The following ZFHX3 variants were observed in gnomAD, a reference collection of about 807,000 sequenced individuals.
The protein encoded by ZFHX3 is zinc finger homeobox protein 3.
ZFHX3 carries 42 observed loss-of-function variants against 279.1 expected under a neutral mutation model. That is an observed-to-expected ratio of 0.15 (90% CI 0.12 to 0.19). The LOEUF (loss-of-function observed/expected upper bound fraction) is 0.19, where lower values mean the gene tolerates loss of function less well. ZFHX3 is among the 10% of genes least tolerant of loss of function. The pLI is 1.00. For synonymous variants in ZFHX3, 2,293 were observed against 1,957.8 expected (o/e 1.17, Z -4.52); for missense variants, 4,981 against 4,754.0 (o/e 1.05, Z -1.40).
chr16:73,623,161 C>T (rs1280848639), intron 2 of ZFHX3, among the ~76,000 whole-genome samples: 1 of 151,970 alleles, frequency 6.6e-6, no homozygotes, highest in East Asian at 1.9e-4. Flanking sequence ...CTCAGCCTCT[C>T]GAGTTGCTGG....
intron 4 of ZFHX3, among the ~76,000 whole-genome samples, chr16:72,859,087 C>T (rs1000681425): frequency 2.0e-5 from 3 of 152,222 alleles, no homozygotes; most frequent in African/African-American, 4.8e-5. Context: ...GCCCTCCCCA[C>T]GTTGATTGGA....
chr16:72,851,645 C>G lies in ZFHX3; in HGVS notation c.3449-21786G>C, dbSNP rs532733918. 4.6e-5 allele frequency among the ~76,000 whole-genome samples: 7 copies of G among 152,136 alleles called. No individual in the cohort carries two copies. In the South Asian group the frequency reaches 1.5e-3, roughly 32 times the overall value. ...GCTCTGCTCACTGCAACCTCCGCCT[C>G]CCGGGTTCAAGAGATTCTCCTGCCT... On this transcript the variant is annotated intron_variant, in intron 4 of 9. Coordinates refer to ENST00000268489, the MANE Select transcript of ZFHX3 (RefSeq NM_006885.4).
chr16:73,850,674 C>T (rs980942703), intron 1 of ZFHX3, among the ~76,000 whole-genome samples: 1 of 149,270 alleles, frequency 6.7e-6, no homozygotes, highest in African/African-American at 2.4e-5. Flanking sequence ...TTCTGTGGAC[C>T]CCACCCCAAC....
chr16:73,433,897 T>C (rs534616484), intron 3 of ZFHX3, among the ~76,000 whole-genome samples: 3 of 152,156 alleles, frequency 2.0e-5, no homozygotes, highest in Non-Finnish European at 2.9e-5. Context: ...GAGGCTGCAC[T>C]GGGGTTATGT....
At chr16:73,807,317 C>T (rs906456325) in intron 1 of ZFHX3, among the ~76,000 whole-genome samples, 2 of 152,186 alleles carry the variant, frequency 1.3e-5, no homozygotes, top group African/African-American at 4.8e-5. Flanking sequence ...CCCTTCTTCC[C>T]TCCTTTCTTC....
chr16:73,278,585 G>A (rs2014369299), intron 4 of ZFHX3, among the ~76,000 whole-genome samples: 1 of 152,342 alleles, frequency 6.6e-6, no homozygotes, highest in South Asian at 2.1e-4. Context: ...GCGAGTAGGA[G>A]GTGCTGGCTG....
At chr16:73,134,189 C>A (rs1966746237) in intron 6 of ZFHX3, among the ~76,000 whole-genome samples, 1 of 152,138 alleles carries the variant, frequency 6.6e-6, no homozygotes, top group Non-Finnish European at 1.5e-5. Flanking sequence ...CCCAGCAAGT[C>A]TGACTTCAGG....
chr16:72,787,029 T>TAC lies in ZFHX3; in HGVS notation c.*134_*135insGT. 5 of 1,058,460 alleles carry TAC rather than the reference T, an allele frequency of 4.7e-6. No homozygotes were observed. The highest frequency in any genetic ancestry group is 4.9e-6 in the Non-Finnish European group (4 of 816,678). The allele number at this position is 1,058,460 out of a possible 1,614,324, so 65.6% of individuals were successfully genotyped here. On this transcript the variant is annotated 3_prime_UTR_variant, in exon 10 of 10. Coordinates refer to ENST00000268489, the MANE Select transcript of ZFHX3 (RefSeq NM_006885.4). ...ATATGGGAAAACAACCCACGCTTTT[T>TAC]CTTTTTTTTCTTTTTTTTTTTTTTT...
chr16:73,150,166 T>C (rs1966906098), intron 5 of ZFHX3, among the ~76,000 whole-genome samples: 1 of 152,106 alleles, frequency 6.6e-6, no homozygotes, highest in Non-Finnish European at 1.5e-5. Flanking sequence ...TCCAGGCCCC[T>C]TTGGATTCAC....
At chr16:73,093,778 C>A in intron 7 of ZFHX3, 1 of 284,500 alleles carries the variant, frequency 3.5e-6, no homozygotes, top group South Asian at 3.5e-5. Context: ...ACCTAAATTC[C>A]ATTCCTCGTC....
intron 3 of ZFHX3, among the ~76,000 whole-genome samples, chr16:73,336,167 T>A (rs184455281): frequency 2.6e-5 from 4 of 152,336 alleles, no homozygotes; most frequent in Non-Finnish European, 5.9e-5. Context: ...ACTAACCCTA[T>A]TATTAACCTG....
chr16:73,806,990 T>C (rs2142332373), intron 1 of ZFHX3, among the ~76,000 whole-genome samples: 1 of 152,298 alleles, frequency 6.6e-6, no homozygotes, highest in South Asian at 2.1e-4. Context: ...GGAGGAAATG[T>C]TACTGAGCTT....
At chr16:73,371,614 C>T (rs1431283767) in intron 3 of ZFHX3, among the ~76,000 whole-genome samples, 1 of 152,028 alleles carries the variant, frequency 6.6e-6, no homozygotes, top group African/African-American at 2.4e-5. Flanking sequence ...ACCGGGTGTA[C>T]CCCTCAGTCC....
chr16:73,153,040 T>C (rs751091917), intron 5 of ZFHX3, among the ~76,000 whole-genome samples: 2 of 152,136 alleles, frequency 1.3e-5, no homozygotes. Context: ...GGAGGTCAGC[T>C]GGGTTGTCAG....
chr16:73,281,067 T>C (rs1405650111), intron 4 of ZFHX3, among the ~76,000 whole-genome samples: 1 of 115,870 alleles, frequency 8.6e-6, no homozygotes, highest in South Asian at 2.7e-4. Flanking sequence ...GAGGAGATAG[T>C]ATAAAAGTTT....
At chr16:73,248,613 T>A (rs2013379723) in intron 5 of ZFHX3, among the ~76,000 whole-genome samples, 1 of 151,582 alleles carries the variant, frequency 6.6e-6, no homozygotes, top group Non-Finnish European at 1.5e-5. Flanking sequence ...TGTATGTGTC[T>A]GTGTGTCTAC....
At chr16:73,714,422 TTCTC>T (rs1386319326) in intron 1 of ZFHX3, among the ~76,000 whole-genome samples, 1 of 152,098 alleles carries the variant, frequency 6.6e-6, no homozygotes, top group Non-Finnish European at 1.5e-5. Flanking sequence ...TTCAGATGCT[TTCTC>T]TACAGAGACT....
chr16:73,229,866 T>C (rs987833490), intron 5 of ZFHX3, among the ~76,000 whole-genome samples: 1 of 152,202 alleles, frequency 6.6e-6, no homozygotes, highest in Non-Finnish European at 1.5e-5. Flanking sequence ...TGATTGAGAA[T>C]GTGAATCTAG....
chr16:73,479,115 T>C (rs1229953715), intron 2 of ZFHX3, among the ~76,000 whole-genome samples: 34 of 152,168 alleles, frequency 2.2e-4, no homozygotes. Flanking sequence ...TGCTAGAGCC[T>C]GCAGAGTGGT....
Sources: allele counts gnomAD v4.1 joint callset (sites outside exome capture counted in the v4.1 genomes callset), GRCh38; gene constraint gnomAD v4.1.1; transcripts MANE v1.5; gene names NCBI Gene and HGNC (gene_info 2026-07-23, HGNC 2026-07-21).